The following IQCF3 variants were observed in gnomAD, a reference collection of about 807,000 sequenced individuals.
IQCF3 encodes the protein IQ motif containing F3, also known as IQ domain-containing protein F3.
Under a neutral mutation model 5.1 loss-of-function variants are expected in IQCF3, and 7 were observed. The observed-to-expected ratio is 1.36, with a 90% CI of 0.78 to 2.56. IQCF3 has a LOEUF of 2.56. IQCF3 is among the 30% of genes most tolerant of loss of function. The pLI, the probability that IQCF3 is intolerant of heterozygous loss-of-function variation, is 0.00. For synonymous variants in IQCF3, 82 were observed against 72.8 expected, an observed-to-expected ratio of 1.13 and a Z score of -0.64; for missense variants, 189 against 196.5, an observed-to-expected ratio of 0.96 and a Z score of 0.23.
At position 51,830,552 on chromosome 3, in the gene IQCF3, G is replaced by A; in HGVS notation, c.216G>A (p.Gln72=). ...AGTGCTGGTGGAGGACGTTGGTGCA[G>A]AGACGGATCCGTCAGCGGCGGCAGG... ...MIQCWWRTLV[Q]RRIRQRRQAL... is the part of the protein sequence containing the mutation. Residue 72 remains glutamine (Q), a synonymous_variant, in exon 3 of 3, where the codon CAG becomes CAA. Transcript: ENST00000440739. This position sits in a 1 kb window ranked among gnomAD's most constrained non-coding sequence, Gnocchi z 4.1. 1 of 1,614,010 alleles carries A rather than the reference G, an allele frequency of 6.2e-7. No homozygotes were observed. Among genetic ancestry groups the A allele is most frequent in the Non-Finnish European group, 8.5e-7 (1 of 1,179,878 alleles).
intron 1 of IQCF3, 76 bp downstream of exon 1, chr3:51,829,569 A>T: frequency 6.3e-7 from 1 of 1,591,460 alleles, no homozygotes; most frequent in South Asian, 1.1e-5. Context: ...GCCACTTCTT[A>T]GGACCCAGGC....
upstream of IQCF3, chr3:51,828,547 T>G (rs1243691670): frequency 1.3e-5 from 2 of 152,232 alleles, no homozygotes; most frequent in Non-Finnish European, 2.9e-5. Flanking sequence ...GTGGATTAGC[T>G]TTTTGATGAA....
Position 51,829,659 on chromosome 3 carries a change from T to C in IQCF3, c.19-6T>C, listed in dbSNP as rs374619488. On this transcript the variant is annotated splice_polypyrimidine_tract_variant and splice_region_variant and intron_variant, in intron 1 of 2. Coordinates refer to ENST00000440739, the MANE Select transcript of IQCF3 (RefSeq NM_001393887.1). ...ATGCTCCCCCACACCCATATTCCGA[T>C]TGCAGAAAGGTGGTCCAGATGAAGA... 1.2e-5 allele frequency: 19 copies of C among 1,613,552 alleles called. No homozygotes were observed. The highest frequency in any genetic ancestry group is 1.6e-4 in the Middle Eastern group (1 of 6,082).
chr3:51,830,836 C>T lies in IQCF3; in HGVS notation c.*35C>T, dbSNP rs745894640. The T allele has an allele frequency of 2.0e-6, 3 of 1,521,952 alleles. No homozygotes were observed. In the Admixed American group the frequency reaches 6.2e-5, roughly 32 times the overall value. 94.3% of individuals were successfully genotyped at this position (1,521,952 alleles called of 1,614,324 possible). A position where few individuals can be genotyped will look rare whatever the true frequency, so the allele number is the denominator to read the frequency against. On this transcript the variant is annotated 3_prime_UTR_variant, in exon 3 of 3. Coordinates refer to ENST00000440739, the MANE Select transcript of IQCF3 (RefSeq NM_001393887.1). This position sits in a 1 kb window ranked among gnomAD's most constrained non-coding sequence, Gnocchi z 4.1. The stretch of plus-strand genomic sequence containing the variant: ...GGCATGGAGAACAGGCTGCACTACC[C>T]TAATAAATGTCTGACCAGGTTGTGT...
upstream of IQCF3, chr3:51,829,337 C>T (rs777333326): frequency 1.4e-4 from 123 of 905,226 alleles, no homozygotes; most frequent in Non-Finnish European, 2.1e-4. Flanking sequence ...AACTTTGAGC[C>T]TGGAAAAGGC....
At chr3:51,829,109 G>GA (rs1320093131), upstream of IQCF3, among the ~76,000 whole-genome samples, 2 of 152,156 alleles carry the variant, frequency 1.3e-5, no homozygotes, top group East Asian at 3.9e-4. Flanking sequence ...ATCCTGGATG[G>GA]AAAAGCACTT....
Position 51,829,678 on chromosome 3 carries a change from A to T in IQCF3, c.32A>T (p.Asp11Val), listed in dbSNP as rs1410352792. Reference protein sequence around the residue: MGSKCCKGGPDEDAVERQRRQ... With the variant: MGSKCCKGGPVEDAVERQRRQ... The stretch of plus-strand genomic sequence containing the variant: ...TTCCGATTGCAGAAAGGTGGTCCAG[A>T]TGAAGATGCAGTAGAAAGACAGAGG... The change falls in exon 2 of 3, where the codon GAT becomes GTT. Residue 11 changes from aspartate to valine, a missense_variant. Coordinates refer to ENST00000440739, the MANE Select transcript of IQCF3 (RefSeq NM_001393887.1). 2 of 1,613,884 alleles carry T rather than the reference A, an allele frequency of 1.2e-6. No individual in the cohort carries two copies. Among genetic ancestry groups the T allele is most frequent in the Non-Finnish European group, 1.7e-6 (2 of 1,179,862 alleles).
upstream of IQCF3, chr3:51,827,285 A>G (rs765408208): frequency 4.6e-5 from 7 of 152,230 alleles, no homozygotes; most frequent in Non-Finnish European, 8.8e-5. Flanking sequence ...CTATAATCAT[A>G]TAGAGAGGAG....
intron 2 of IQCF3, chr3:51,829,916 C>T: frequency 1.7e-6 from 1 of 591,046 alleles, no homozygotes. Context: ...ATAGGTGGGG[C>T]TCAGCACAGG....
At position 51,829,500 on chromosome 3, in the gene IQCF3, C is replaced by T; in HGVS notation, c.18+7C>T. 1.3e-6 allele frequency: 2 copies of T among 1,597,972 alleles called. No individual in the cohort carries two copies. Among genetic ancestry groups the T allele is most frequent in the East Asian group, 2.3e-5 (1 of 44,106 alleles). On this transcript the variant is annotated splice_region_variant and intron_variant, in intron 1 of 2. Transcript: ENST00000440739. Reference sequence around the variant, plus strand: ...CATGGGCAGTAAATGCTGTGTAAGACTCAGGCACACAAACTCCCCCAGGGG... The same window carrying T: ...CATGGGCAGTAAATGCTGTGTAAGATTCAGGCACACAAACTCCCCCAGGGG...
rs749063232 is a variant in IQCF3, at chr3:51,830,503, C to A, written c.167C>A (p.Ala56Asp). The change falls in exon 3 of 3, where the codon GCT becomes GAT. Residue 56 changes from alanine (A) to aspartate (D), a missense_variant. Physicochemically the swap from Ala to Asp is moderately radical, Grantham distance 126. Coordinates refer to ENST00000440739, the MANE Select transcript of IQCF3 (RefSeq NM_001393887.1). This position sits in a 1 kb window ranked among gnomAD's most constrained non-coding sequence, Gnocchi z 4.1. ...CTGGTGCGCAGGACCCTGCTGGTTG[C>A]TGCCCTCAGGGCCTGGATGATTCAG... ...GVLVRRTLLV[A>D]ALRAWMIQCW... 4 of 1,613,930 alleles carry A rather than the reference C, an allele frequency of 2.5e-6. No individual in the cohort carries two copies. The East Asian group carries it at 8.9e-5, about 36-fold the overall frequency.
upstream of IQCF3, chr3:51,826,943 T>C (rs1176942424): frequency 6.6e-6 from 1 of 151,542 alleles, no homozygotes; most frequent in East Asian, 1.9e-4. Flanking sequence ...AGTAGGAGAG[T>C]CCTCACAGGG....
At chr3:51,827,855 T>C (rs1478249313), upstream of IQCF3, among the ~76,000 whole-genome samples, 1 of 152,130 alleles carries the variant, frequency 6.6e-6, no homozygotes, top group African/African-American at 2.4e-5. Context: ...GTTGTTTCCC[T>C]TTGTGTCCAT....
At chr3:51,829,910 G>T (rs6795223) in intron 2 of IQCF3, 198 bp downstream of exon 2, 23,525 of 600,416 alleles carry the variant, frequency 0.039, 1,451 homozygotes, top group African/African-American at 0.21. Context: ...CACCTGATAG[G>T]TGGGGCTCAG....
At chr3:51,829,400 C>T, upstream of IQCF3, 1 of 1,532,734 alleles carries the variant, frequency 6.5e-7, no homozygotes, top group Non-Finnish European at 8.9e-7. Flanking sequence ...ATCTCTTTCT[C>T]CACCTTTCCT....
Position 51,830,811 on chromosome 3 carries a change from G to A in IQCF3, c.*10G>A, listed in dbSNP as rs1212553049. 4 of 1,556,482 alleles carry A rather than the reference G, an allele frequency of 2.6e-6. No homozygotes were observed. The South Asian group carries it at 3.7e-5, about 14-fold the overall frequency. The stretch of plus-strand genomic sequence containing the variant: ...AATCCTATCAATCTGAAAGGCCTGG[G>A]GCATGGAGAACAGGCTGCACTACCC... On this transcript the variant is annotated 3_prime_UTR_variant, in exon 3 of 3. Coordinates refer to ENST00000440739, the MANE Select transcript of IQCF3 (RefSeq NM_001393887.1). The surrounding 1 kb of genome is among the most constrained non-coding windows in gnomAD (Gnocchi z 4.1).
upstream of IQCF3, chr3:51,829,393 T>A (rs1698332689): frequency 6.6e-7 from 1 of 1,509,228 alleles, no homozygotes; most frequent in Non-Finnish European, 9.0e-7. Context: ...CACGGCCATC[T>A]CTTTCTCCAC....
chr3:51,827,666 T>G (rs557320389), upstream of IQCF3, among the ~76,000 whole-genome samples: 8 of 152,182 alleles, frequency 5.3e-5, no homozygotes, highest in Non-Finnish European at 8.8e-5. Flanking sequence ...TTTTGGTTTT[T>G]AACTTTTATT....
Position 51,829,489 on chromosome 3 carries a change from G to A in IQCF3, c.14G>A (p.Cys5Tyr), listed in dbSNP as rs2107193850. ...CTGCTCCAAACCATGGGCAGTAAAT[G>A]CTGTGTAAGACTCAGGCACACAAAC... is the stretch of plus-strand genomic sequence containing the variant. MGSK[C>Y]CKGGPDEDAV... The change falls in exon 1 of 3, where the codon TGC becomes TAC. Residue 5 changes from cysteine to tyrosine, a missense_variant. Transcript: ENST00000440739. The A allele has an allele frequency of 4.4e-6, 7 of 1,598,538 alleles. No homozygotes were observed. In the East Asian group the frequency reaches 6.8e-5, roughly 16 times the overall value.
Sources: gnomAD v4.1 joint callset for allele counts (sites outside exome capture counted in the v4.1 genomes callset) on GRCh38, gnomAD v4.1.1 for gene constraint, Gnocchi (gnomAD v3.1) non-coding constraint, MANE v1.5 for transcripts, NCBI Gene and HGNC (gene_info 2026-07-23, HGNC 2026-07-21) for gene names.